DNMBP: variants seen among roughly 807,000 people sequenced by gnomAD.
DNMBP encodes the protein dynamin-binding protein.
Under a neutral mutation model 150.0 loss-of-function variants are expected in DNMBP, and 87 were observed. The ratio of observed to expected loss-of-function variants is 0.58; its 90% CI spans 0.49 to 0.69. The LOEUF is 0.69. Among genes scored for constraint, DNMBP ranks in the 30% least tolerant of loss-of-function variants. DNMBP has a pLI of 0.00. For missense variants in DNMBP, 1,774 were observed against 1,949.0 expected (o/e 0.91, Z 1.69); for synonymous variants, 711 against 750.4 (o/e 0.95, Z 0.86).
chr10:99,903,778 C>T (rs189935000), intron 6 of DNMBP, among the ~76,000 whole-genome samples: 77 of 152,300 alleles, frequency 5.1e-4, no homozygotes, highest in African/African-American at 1.6e-3. Flanking sequence ...ACATTCAATT[C>T]GCCGTTCTTC....
intron 1 of DNMBP, among the ~76,000 whole-genome samples, chr10:99,981,365 A>G (rs1485551650): frequency 6.6e-6 from 1 of 152,190 alleles, no homozygotes; most frequent in Middle Eastern, 3.4e-3. Context: ...TATTTCTAGT[A>G]GAGATGGGGT....
intron 4 of DNMBP, among the ~76,000 whole-genome samples, chr10:99,914,812 C>T (rs571605399): frequency 2.6e-5 from 4 of 152,008 alleles, no homozygotes; most frequent in South Asian, 2.1e-4. Flanking sequence ...ATAGGCTGGG[C>T]GCAGTGGCTC....
intron 4 of DNMBP, among the ~76,000 whole-genome samples, chr10:99,941,628 C>T (rs2040301936): frequency 6.6e-6 from 1 of 152,080 alleles, no homozygotes. Flanking sequence ...GCCACCATGC[C>T]CGGCTAATTT....
chr10:99,950,403 G>A (rs1005111777), intron 4 of DNMBP, among the ~76,000 whole-genome samples: 8 of 152,174 alleles, frequency 5.3e-5, no homozygotes, highest in African/African-American at 9.7e-5. Context: ...AAAGATACCC[G>A]GAAATGTGGA....
At position 99,880,114 on chromosome 10, in the gene DNMBP, T is replaced by G. The variant is rs896354935; in HGVS notation, c.4245A>C (p.Gln1415His). 3 of 1,614,210 alleles carry G rather than the reference T, an allele frequency of 1.9e-6. No individual in the cohort carries two copies. The highest frequency in any genetic ancestry group is 2.5e-6 in the Non-Finnish European group (3 of 1,180,034). ...DASPPPKECD[Q>H]GTLSASLNPS... ...GATTTAGGGATGCACTGAGAGTTCC[T>G]TGGTCACATTCTTTTGGCGGAGGAG... Residue 1415 changes from glutamine to histidine, a missense_variant, in exon 16 of 17, where the codon CAA becomes CAC. Physicochemically the swap from Gln to His is conservative, Grantham distance 24. Transcript: ENST00000324109.
chr10:99,902,841 T>A (rs1290020024), intron 6 of DNMBP, among the ~76,000 whole-genome samples: 1 of 150,914 alleles, frequency 6.6e-6, no homozygotes, highest in East Asian at 2.0e-4. Flanking sequence ...GGCAGGAGAA[T>A]CGTTTGAACC....
At chr10:99,913,959 TGC>T in intron 4 of DNMBP, 1 of 1,400,648 alleles carries the variant, frequency 7.1e-7, no homozygotes, top group Non-Finnish European at 9.3e-7. Flanking sequence ...CTACCTGCAG[TGC>T]CCAGAGCTGG....
chr10:99,900,040 C>T lies in DNMBP; in HGVS notation c.2581G>A (p.Glu861Lys). ...VGPVFLGHRD[E>K]LEGTYKIYCQ... ...TAAATCTTGTATGTTCCCTCAAGCT[C>T]ATCCCGGTGACCAAGAAACACAGGT... Residue 861 changes from glutamate (E) to lysine (K), a missense_variant, in exon 7 of 17, where the codon GAG (glutamate) becomes AAG (lysine). Physicochemically the swap from Glu to Lys is moderately conservative, Grantham distance 56. Around this residue, in one of 2 missense-constraint regions of DNMBP, gnomAD observed 1,430 missense variants for 1,492.5 expected, o/e 0.96. Transcript: ENST00000324109. 1 of 1,614,156 alleles carries T rather than the reference C, an allele frequency of 6.2e-7. No homozygotes were observed. The highest frequency in any genetic ancestry group is 8.5e-7 in the Non-Finnish European group (1 of 1,180,026).
rs914997526 is a variant in DNMBP, at chr10:99,955,424, T to A, written c.2050A>T (p.Ser684Cys). Residue 684 changes from serine to cysteine, a missense_variant, in exon 4 of 17, where the codon AGT (serine) becomes TGT (cysteine). Physicochemically the swap from Ser to Cys is moderately radical, Grantham distance 112. Coordinates refer to ENST00000324109, the MANE Select transcript of DNMBP (RefSeq NM_015221.4). The stretch of plus-strand genomic sequence containing the variant: ...GGGCATGGGGAGGTCTGGTCCAGAC[T>A]CCTTCCCATATGACCAGGGCCCTCC... Reference protein sequence around the residue: ...EKEGPGHMGRSLDQTSPCPLV... With the variant: ...EKEGPGHMGRCLDQTSPCPLV... The A allele has an allele frequency of 6.2e-7, 1 of 1,613,826 alleles. No homozygotes were observed. Among genetic ancestry groups the A allele is most frequent in the Admixed American group, 1.7e-5 (1 of 59,984 alleles).
intron 15 of DNMBP, among the ~76,000 whole-genome samples, chr10:99,883,638 C>CAAGA (rs1439559400): frequency 1.5e-5 from 1 of 65,586 alleles, no homozygotes; most frequent in Non-Finnish European, 2.9e-5. Flanking sequence ...AAGACTGCCA[C>CAAGA]AAAAAAAAAA....
intron 4 of DNMBP, among the ~76,000 whole-genome samples, chr10:99,919,967 CATGAAACAAAAGA>C (rs1237617528): frequency 6.6e-6 from 1 of 152,060 alleles, no homozygotes; most frequent in African/African-American, 2.4e-5. Context: ...GATATAAATT[CATGAAACAAAAGA>C]ATAAGACAAA....
chr10:99,881,621 C>T (rs550865359), intron 15 of DNMBP, among the ~76,000 whole-genome samples: 216 of 152,306 alleles, frequency 1.4e-3, no homozygotes, highest in Non-Finnish European at 2.4e-3. Context: ...TACCACTTCT[C>T]AAGTTTGAGT....
Position 99,877,093 on chromosome 10 carries a change from AG to A in DNMBP, c.*57del. The A allele has an allele frequency of 7.1e-7, 1 of 1,405,460 alleles. No homozygotes were observed. The highest frequency in any genetic ancestry group is 9.4e-7 in the Non-Finnish European group (1 of 1,064,378). 87.1% of individuals were successfully genotyped at this position (1,405,460 alleles called of 1,614,324 possible). On this transcript the variant is annotated 3_prime_UTR_variant, in exon 17 of 17. Transcript: ENST00000324109. The stretch of plus-strand genomic sequence containing the variant: ...GCAGGCGCCCTCTCGGTGGGCCGCC[AG>A]AACCCTCGGCGGACTGAAAGCAAAG...
At chr10:99,972,259 A>G (rs964306021) in intron 1 of DNMBP, 125 bp from the exon 2 acceptor site, 6 of 883,390 alleles carry the variant, frequency 6.8e-6, no homozygotes, top group South Asian at 1.9e-5. Context: ...AGCTAAGCAA[A>G]TAAGTTAGTA....
chr10:99,968,664 G>A (rs895363045), intron 3 of DNMBP, among the ~76,000 whole-genome samples: 3 of 150,118 alleles, frequency 2.0e-5, no homozygotes, highest in African/African-American at 7.4e-5. Flanking sequence ...CTCCAGCCTG[G>A]GCAACAGAGT....
At position 99,884,173 on chromosome 10, in the gene DNMBP, A is replaced by G. The variant is rs1279334732; in HGVS notation, c.3835T>C (p.Ser1279Pro). Residue 1279 changes from serine (S) to proline (P), a missense_variant, in exon 15 of 17, where the codon TCC (serine) becomes CCC (proline). Coordinates refer to ENST00000324109, the MANE Select transcript of DNMBP (RefSeq NM_015221.4). The stretch of plus-strand genomic sequence containing the variant: ...TCAGGGGGATACCTGGCCAGGAGGG[A>G]GGCCCGGAGTTCTTCTGACTGTAGC... The part of the protein sequence containing the change: ...YMLQSEELRA[S>P]LLARYPPEKL... 6.2e-7 allele frequency: 1 copy of G among 1,613,726 alleles called. No homozygotes were observed. The highest frequency in any genetic ancestry group is 1.7e-5 in the Admixed American group (1 of 59,994).
chr10:99,887,218 A>G (rs35409024), intron 12 of DNMBP, among the ~76,000 whole-genome samples: 55,157 of 151,702 alleles, frequency 0.36, 10,734 homozygotes, highest in Middle Eastern at 0.51. Flanking sequence ...CACCGCACAC[A>G]GCCCCCATTT....
chr10:99,975,806 T>C (rs2040722001), intron 1 of DNMBP, among the ~76,000 whole-genome samples: 1 of 152,194 alleles, frequency 6.6e-6, no homozygotes. Flanking sequence ...TGGGCTTCAG[T>C]TTCCTCATCC....
In DNMBP at chr10:99,955,382, T is replaced by A. The variant is rs1471105943; in HGVS notation, c.2092A>T (p.Ile698Phe). ...TCCAAGTCCCGCTCCATTTCCTCAA[T>A]CCTCACCAGCACTAAGGGGCATGGG... ...TSPCPLVLVR[I>F]EEMERDLDMY... Residue 698 changes from isoleucine to phenylalanine, a missense_variant, in exon 4 of 17, where the codon ATT (isoleucine) becomes TTT (phenylalanine). Physicochemically the swap from Ile to Phe is conservative, Grantham distance 21. Transcript: ENST00000324109. 1 of 1,614,056 alleles carries A rather than the reference T, an allele frequency of 6.2e-7. No homozygotes were observed. Among genetic ancestry groups the A allele is most frequent in the Non-Finnish European group, 8.5e-7 (1 of 1,180,040 alleles).
Sources: gnomAD v4.1 joint callset for allele counts (sites outside exome capture counted in the v4.1 genomes callset) on GRCh38, gnomAD v4.1.1 for gene constraint, gnomAD v4.1.1 regional missense constraint, MANE v1.5 for transcripts, NCBI Gene and HGNC (gene_info 2026-07-23, HGNC 2026-07-21) for gene names.